CTNNA3: variants seen among roughly 807,000 people sequenced by gnomAD.
CTNNA3 encodes the protein catenin alpha-3.
A neutral mutation model predicts 95.7 loss-of-function variants in CTNNA3; 76 were observed. The ratio of observed to expected loss-of-function variants is 0.79; its 90% CI spans 0.66 to 0.96. The LOEUF is 0.96. Ranked by LOEUF, CTNNA3 falls within the 40% of genes least tolerant of loss-of-function variation. The probability of loss-of-function intolerance (pLI) is 0.00; values close to 1 mark genes in which losing one functional copy is unlikely to be tolerated. For missense variants in CTNNA3, 1,191 were observed against 1,089.8 expected (o/e 1.09, Z -1.31); for synonymous variants, 431 against 374.4 (o/e 1.15, Z -1.74).
At chr10:66,356,094 G>A (rs1173724742) in intron 12 of CTNNA3, among the ~76,000 whole-genome samples, 1 of 149,238 alleles carries the variant, frequency 6.7e-6, no homozygotes, top group African/African-American at 2.5e-5. Context: ...CAGGTACAGT[G>A]GATGCTCCAA....
chr10:66,049,716 C>T (rs2079907673), intron 15 of CTNNA3, among the ~76,000 whole-genome samples: 1 of 152,002 alleles, frequency 6.6e-6, no homozygotes, highest in South Asian at 2.1e-4. Context: ...ACCACATGTT[C>T]TTACTTATAA....
intron 7 of CTNNA3, among the ~76,000 whole-genome samples, chr10:67,045,614 T>C (rs1421078476): frequency 6.6e-6 from 1 of 152,192 alleles, no homozygotes; most frequent in Admixed American, 6.5e-5. Context: ...GCAGCTGCCT[T>C]TGCGGCCAGA....
At chr10:67,612,323 T>C (rs145349519) in intron 2 of CTNNA3, among the ~76,000 whole-genome samples, 4 of 152,310 alleles carry the variant, frequency 2.6e-5, no homozygotes, top group African/African-American at 9.6e-5. Context: ...GATAACTGTT[T>C]ACACTTATAT....
chr10:66,113,917 T>C (rs2082213129), intron 13 of CTNNA3, among the ~76,000 whole-genome samples: 1 of 152,026 alleles, frequency 6.6e-6, no homozygotes, highest in Non-Finnish European at 1.5e-5. Context: ...ACCATTACTC[T>C]TCTTGATCTA....
At chr10:66,224,119 C>A (rs2089129829) in intron 13 of CTNNA3, among the ~76,000 whole-genome samples, 1 of 152,170 alleles carries the variant, frequency 6.6e-6, no homozygotes, top group Non-Finnish European at 1.5e-5. Context: ...GCTGAGGCAT[C>A]TCATATCTTC....
intron 11 of CTNNA3, among the ~76,000 whole-genome samples, chr10:66,417,327 A>G (rs1445457907): frequency 6.6e-6 from 1 of 152,056 alleles, no homozygotes; most frequent in Non-Finnish European, 1.5e-5. Context: ...TAGCAAGAGG[A>G]AATAACAATT....
chr10:67,642,440 G>A (rs1350413368), intron 2 of CTNNA3, among the ~76,000 whole-genome samples: 2 of 152,140 alleles, frequency 1.3e-5, no homozygotes, highest in African/African-American at 4.8e-5. Context: ...TTTATCAGCT[G>A]GGTGCGGTGG....
intron 7 of CTNNA3, among the ~76,000 whole-genome samples, chr10:66,916,956 T>G (rs759037731): frequency 1.3e-5 from 2 of 152,224 alleles, no homozygotes; most frequent in Admixed American, 1.3e-4. Flanking sequence ...CTCTCCAACG[T>G]CAACAACTCA....
intron 13 of CTNNA3, among the ~76,000 whole-genome samples, chr10:66,220,399 G>C (rs895095833): frequency 6.6e-6 from 1 of 152,128 alleles, no homozygotes; most frequent in African/African-American, 2.4e-5. Flanking sequence ...GAGGGTGCAG[G>C]GGCTGGGATG....
At chr10:67,614,378 T>C (rs1204744330) in intron 2 of CTNNA3, among the ~76,000 whole-genome samples, 1 of 152,212 alleles carries the variant, frequency 6.6e-6, no homozygotes, top group Non-Finnish European at 1.5e-5. Context: ...GTAATATATA[T>C]GAAATAACTA....
At position 67,599,748 on chromosome 10, in the gene CTNNA3, G is replaced by C. The variant is rs140465961; in HGVS notation, c.292+7109C>G. 9.2e-3 allele frequency among the ~76,000 whole-genome samples: 1,405 copies of C among 152,192 alleles called. 9 individuals are homozygous for C. The highest frequency in any genetic ancestry group is 0.013 in the Non-Finnish European group (895 of 67,958). On this transcript the variant is annotated intron_variant, in intron 3 of 17. Transcript: ENST00000433211. ...GATTTGTATCCACAATAAATGTAGA[G>C]ATATATACCATGTTTTTAATCAGAA...
chr10:67,607,983 G>C (rs770470120), intron 2 of CTNNA3, among the ~76,000 whole-genome samples: 3 of 152,194 alleles, frequency 2.0e-5, no homozygotes, highest in Non-Finnish European at 4.4e-5. Flanking sequence ...ATTTAAAAAT[G>C]TAAGGTTCAG....
At chr10:67,017,872 C>A (rs1380657560) in intron 7 of CTNNA3, among the ~76,000 whole-genome samples, 1 of 151,982 alleles carries the variant, frequency 6.6e-6, no homozygotes, top group Admixed American at 6.6e-5. Context: ...AGGGTTCAAG[C>A]GATTCTCCTG....
At chr10:67,753,057 C>A (rs1229548910) in intron 1 of CTNNA3, among the ~76,000 whole-genome samples, 1 of 152,064 alleles carries the variant, frequency 6.6e-6, no homozygotes, top group African/African-American at 2.4e-5. Context: ...CATCATGTTA[C>A]CCAACTTCAA....
intron 3 of CTNNA3, among the ~76,000 whole-genome samples, chr10:67,606,033 T>C (rs1843262460): frequency 6.6e-6 from 1 of 152,224 alleles, no homozygotes; most frequent in South Asian, 2.1e-4. Context: ...TACTAGTATA[T>C]TCATTTTAAT....
chr10:66,516,717 T>C (rs987889896), intron 11 of CTNNA3, among the ~76,000 whole-genome samples: 4 of 152,168 alleles, frequency 2.6e-5, no homozygotes, highest in Non-Finnish European at 4.4e-5. Flanking sequence ...GGTAATTGGC[T>C]CAAGATTGAG....
chr10:66,449,068 C>A (rs2093444577), intron 11 of CTNNA3, among the ~76,000 whole-genome samples: 1 of 151,212 alleles, frequency 6.6e-6, no homozygotes, highest in Admixed American at 6.6e-5. Flanking sequence ...ATAATGACAC[C>A]CATTGGAGTA....
intron 15 of CTNNA3, among the ~76,000 whole-genome samples, chr10:66,031,107 G>A (rs947415802): frequency 1.3e-5 from 2 of 152,142 alleles, no homozygotes; most frequent in African/African-American, 4.8e-5. Flanking sequence ...TACTGTTGAA[G>A]AGGATGTAAA....
chr10:66,683,395 A>T (rs1847135710), intron 9 of CTNNA3, among the ~76,000 whole-genome samples: 1 of 152,202 alleles, frequency 6.6e-6, no homozygotes, highest in Non-Finnish European at 1.5e-5. Context: ...TGATACTATT[A>T]CAAGTTGTTA....
Sources: gnomAD v4.1 joint callset for allele counts (sites outside exome capture counted in the v4.1 genomes callset) on GRCh38, gnomAD v4.1.1 for gene constraint, MANE v1.5 for transcripts, NCBI Gene and HGNC (gene_info 2026-07-23, HGNC 2026-07-21) for gene names.